PEF1: variants seen among roughly 807,000 people sequenced by gnomAD.
PEF1 encodes the protein penta-EF-hand domain containing 1.
Under a neutral mutation model 32.0 loss-of-function variants are expected in PEF1, and 17 were observed. The observed-to-expected ratio is 0.53, with a 90% CI of 0.36 to 0.80. The LOEUF is 0.80. Ranked by LOEUF, PEF1 falls within the 30% of genes least tolerant of loss-of-function variation. PEF1 has a pLI of 0.00. For synonymous variants in PEF1, 130 were observed against 139.8 expected (o/e 0.93, Z 0.50); for missense variants, 362 against 369.1 (o/e 0.98, Z 0.16).
intron 2 of PEF1, chr1:31,634,922 G>A (rs1337410086): frequency 5.4e-6 from 3 of 557,322 alleles, no homozygotes; most frequent in Non-Finnish European, 6.8e-6. Context: ...CCAAACAGGA[G>A]CTGCTCCTTC....
rs760183446 is a variant in PEF1 at position 31,630,632 on chromosome 1, G to A, written c.836C>T (p.Thr279Ile). 1.9e-6 allele frequency: 3 copies of A among 1,612,512 alleles called. No homozygotes were observed. Among genetic ancestry groups the A allele is most frequent in the Non-Finnish European group, 2.5e-6 (3 of 1,180,036 alleles). Residue 279 changes from threonine to isoleucine, a missense_variant, in exon 5 of 5, where the codon ACA becomes ATA. Physicochemically the swap from Thr to Ile is moderately conservative, Grantham distance 89. Transcript: ENST00000373703. ...RLSFEDFVTM[T>I]ASRML ...GTTGGGTCATAGCATCCGAGAAGCT[G>A]TCATGGTGACGAAGTCCTCGAAGCT...
chr1:31,643,845 C>T (rs187791661), intron 1 of PEF1, among the ~76,000 whole-genome samples: 1 of 152,308 alleles, frequency 6.6e-6, no homozygotes, highest in Admixed American at 6.5e-5. Context: ...GCTTCATTTC[C>T]TCCTCTGTAA....
intron 1 of PEF1, among the ~76,000 whole-genome samples, chr1:31,642,900 G>A (rs1181290167): frequency 1.3e-5 from 2 of 152,146 alleles, no homozygotes; most frequent in African/African-American, 4.8e-5. Context: ...TTTGTCCAGG[G>A]GTATATAACT....
chr1:31,637,395 A>C (rs561834683), intron 1 of PEF1, among the ~76,000 whole-genome samples: 2 of 152,320 alleles, frequency 1.3e-5, no homozygotes, highest in South Asian at 4.1e-4. Context: ...ATAAAAAATA[A>C]ATGCAGCAAA....
chr1:31,642,779 A>G (rs935706003), intron 1 of PEF1, among the ~76,000 whole-genome samples: 1 of 152,228 alleles, frequency 6.6e-6, no homozygotes, highest in African/African-American at 2.4e-5. Flanking sequence ...GGCATGTACT[A>G]GGCACTAGCA....
chr1:31,641,751 G>A lies in PEF1; in HGVS notation c.24+3090C>T, dbSNP rs547353448. The stretch of plus-strand genomic sequence containing the variant: ...ACTGAGTTAGGTATCTCACTCTCCC[G>A]TGCTGTACCTTACACTTACTCCCAT... On this transcript the variant is annotated intron_variant, in intron 1 of 4. Transcript: ENST00000373703. Among the ~76,000 whole-genome samples the A allele has an allele frequency of 1.1e-4, 17 of 152,244 alleles. No individual in the cohort carries two copies. The South Asian group carries it at 3.1e-3, about 28-fold the overall frequency.
intron 1 of PEF1, among the ~76,000 whole-genome samples, chr1:31,639,474 A>AT (rs1463125618): frequency 6.6e-6 from 1 of 152,232 alleles, no homozygotes; most frequent in Non-Finnish European, 1.5e-5. Flanking sequence ...ATTTGGACAA[A>AT]TGAACACCAC....
At chr1:31,644,665 T>C in intron 1 of PEF1, 176 bp downstream of exon 1, 1 of 1,461,950 alleles carries the variant, frequency 6.8e-7, no homozygotes, top group Non-Finnish European at 9.1e-7. Context: ...CGGTCCTTCA[T>C]GACGTGAGCA....
At chr1:31,630,938 C>T (rs1226859092) in intron 4 of PEF1, 96 bp from the exon 5 acceptor site, 8 of 1,042,314 alleles carry the variant, frequency 7.7e-6, no homozygotes, top group East Asian at 2.6e-5. Context: ...CAAGGAACTT[C>T]GAGAGGATGG....
intron 1 of PEF1, among the ~76,000 whole-genome samples, chr1:31,641,468 A>G (rs1485750404): frequency 6.6e-6 from 1 of 152,144 alleles, no homozygotes; most frequent in African/African-American, 2.4e-5. Flanking sequence ...ACACTCCCCA[A>G]AAAGGCATAC....
At position 31,632,819 on chromosome 1, in the gene PEF1, T is replaced by C. The variant is rs116032812; in HGVS notation, c.482-181A>G. 4.7e-3 allele frequency among the ~76,000 whole-genome samples: 710 copies of C among 152,296 alleles called. 5 individuals carry two copies. The highest frequency in any genetic ancestry group is 0.016 in the African/African-American group (670 of 41,568). On this transcript the variant is annotated intron_variant, in intron 3 of 4. Coordinates refer to ENST00000373703, the MANE Select transcript of PEF1 (RefSeq NM_012392.4). Reference sequence around the variant, plus strand: ...CACATCAAGCGTTGCACCGTCCTCCTACTCTGGACACCTTTAGCCCCACCC... The same window carrying C: ...CACATCAAGCGTTGCACCGTCCTCCCACTCTGGACACCTTTAGCCCCACCC...
In PEF1 at chr1:31,644,856, G is replaced by A. The variant is rs760759780; in HGVS notation, c.9C>T (p.Ser3=). ...ACACACTCACCTGCCGGTAAGGATA[G>A]CTGGCCATGGTGATTCTGACGTCAC... MA[S]YPYRQGCPGA... is the part of the protein sequence containing the mutation. The change falls in exon 1 of 5, where the codon AGC becomes AGT. Residue 3 remains serine, a synonymous_variant. Transcript: ENST00000373703. 4.3e-6 allele frequency: 7 copies of A among 1,613,856 alleles called. No individual in the cohort carries two copies. In the African/African-American group the frequency reaches 6.7e-5, roughly 15 times the overall value.
Position 31,633,149 on chromosome 1 carries a change from G to A in PEF1, c.481+10C>T, listed in dbSNP as rs766414117. 68 of 1,610,802 alleles carry A rather than the reference G, an allele frequency of 4.2e-5. No homozygotes were observed. The highest frequency in any genetic ancestry group is 2.9e-4 in the East Asian group (13 of 44,842). The stretch of plus-strand genomic sequence containing the variant: ...CCCAGCTCAGGCCCAAGGGCAAGGC[G>A]GAGACTCACTTATCATCATGAGGCA... On this transcript the variant is annotated intron_variant, in intron 3 of 4. Coordinates refer to ENST00000373703, the MANE Select transcript of PEF1 (RefSeq NM_012392.4).
At chr1:31,641,657 C>A (rs952479370) in intron 1 of PEF1, among the ~76,000 whole-genome samples, 1 of 152,230 alleles carries the variant, frequency 6.6e-6, no homozygotes, top group Non-Finnish European at 1.5e-5. Context: ...CCTTTCTTCA[C>A]TCAGCTAATT....
intron 4 of PEF1, chr1:31,632,174 C>T (rs1374624835): frequency 5.2e-6 from 3 of 577,212 alleles, no homozygotes; most frequent in Non-Finnish European, 6.2e-6. Context: ...AAAGGAGTCA[C>T]CCAAGCCACA....
intron 1 of PEF1, among the ~76,000 whole-genome samples, chr1:31,638,751 C>T (rs1489950652): frequency 6.6e-6 from 1 of 152,234 alleles, no homozygotes; most frequent in Non-Finnish European, 1.5e-5. Flanking sequence ...AGAATCTTGC[C>T]AATGGCCTCC....
At chr1:31,636,174 G>C (rs10798881) in intron 1 of PEF1, among the ~76,000 whole-genome samples, 81,566 of 152,064 alleles carry the variant, frequency 0.54, 23,118 homozygotes, top group Non-Finnish European at 0.63. Context: ...GTGGCTCACA[G>C]CTGTGTAATC....
chr1:31,633,053 T>C (rs919874561), intron 3 of PEF1, 106 bp downstream of exon 3: 1 of 1,332,246 alleles, frequency 7.5e-7, no homozygotes, highest in African/African-American at 1.5e-5. Context: ...TCCTCCCTGG[T>C]CAATGAATTT....
At chr1:31,640,606 G>A (rs1640369184) in intron 1 of PEF1, among the ~76,000 whole-genome samples, 2 of 152,058 alleles carry the variant, frequency 1.3e-5, no homozygotes, top group Non-Finnish European at 2.9e-5. Context: ...CACTTTGAGA[G>A]CCAAGCCACA....
Sources: allele counts gnomAD v4.1 joint callset (sites outside exome capture counted in the v4.1 genomes callset), GRCh38; gene constraint gnomAD v4.1.1; transcripts MANE v1.5; gene names NCBI Gene and HGNC (gene_info 2026-07-23, HGNC 2026-07-21).